Variants in NBAS observed in about 807,000 individuals in gnomAD.
NBAS encodes NBAS subunit of NRZ tethering complex.
In NBAS, 219 loss-of-function variants were observed where a neutral mutation model predicts 302.5. The observed-to-expected ratio is 0.72, with a 90% CI of 0.65 to 0.81. NBAS has a LOEUF of 0.81. Ranked by LOEUF, NBAS falls within the 30% of genes least tolerant of loss-of-function variation. The pLI, the probability that NBAS is intolerant of heterozygous loss-of-function variation, is 0.00. For missense variants in NBAS, 2,932 were observed against 2,841.6 expected, an observed-to-expected ratio of 1.03 and a Z score of -0.72; for synonymous variants, 1,118 against 1,021.6, an observed-to-expected ratio of 1.09 and a Z score of -1.80.
chr2:15,141,086 T>G, the NBAS span, among the ~76,000 whole-genome samples: 1 of 152,210 alleles, frequency 6.6e-6, no homozygotes. Flanking sequence ...GGAAATATCT[T>G]TCTTGAGATT....
At chr2:15,339,793 A>T (rs1482900436) in intron 35 of NBAS, among the ~76,000 whole-genome samples, 1 of 152,188 alleles carries the variant, frequency 6.6e-6, no homozygotes, top group East Asian at 1.9e-4. Context: ...ATTTGAGCAG[A>T]CACCTGATGG....
chr2:14,901,897 C>T, the NBAS span, among the ~76,000 whole-genome samples: 1 of 152,128 alleles, frequency 6.6e-6, no homozygotes, highest in African/African-American at 2.4e-5. Context: ...CTGGACAATG[C>T]CCAAGAAAGC....
the NBAS span, among the ~76,000 whole-genome samples, chr2:14,964,756 G>A: frequency 6.6e-6 from 1 of 151,852 alleles, no homozygotes; most frequent in Non-Finnish European, 1.5e-5. Context: ...AAGTACACAG[G>A]ACACACTGGT....
the NBAS span, among the ~76,000 whole-genome samples, chr2:14,809,086 G>T: frequency 5.1e-4 from 78 of 152,318 alleles, 1 homozygote; most frequent in African/African-American, 1.8e-3. Flanking sequence ...TGCTGTTAAA[G>T]TCATTCAGTT....
At chr2:14,999,329 GA>G in the NBAS span, among the ~76,000 whole-genome samples, 2 of 152,034 alleles carry the variant, frequency 1.3e-5, no homozygotes, top group Admixed American at 6.6e-5. Flanking sequence ...TCAGCATATA[GA>G]AGGACCGCTT....
At chr2:15,144,065 A>ATAT in the NBAS span, among the ~76,000 whole-genome samples, 73 of 121,662 alleles carry the variant, frequency 6.0e-4, 3 homozygotes, top group African/African-American at 1.9e-3. Context: ...ATATATATAT[A>ATAT]TATCTCCCAT....
chr2:15,384,903 AT>A (rs1332486190), intron 28 of NBAS, among the ~76,000 whole-genome samples: 1 of 152,214 alleles, frequency 6.6e-6, no homozygotes, highest in Non-Finnish European at 1.5e-5. Context: ...TCCAAACACT[AT>A]GCATTAAAAA....
At chr2:15,520,152 AG>A (rs1025356455) in intron 9 of NBAS, among the ~76,000 whole-genome samples, 2 of 152,188 alleles carry the variant, frequency 1.3e-5, no homozygotes, top group African/African-American at 4.8e-5. Context: ...ATGTAATTCC[AG>A]CACTTTGGGA....
intron 25 of NBAS, among the ~76,000 whole-genome samples, chr2:15,413,798 CTG>C (rs1676795383): frequency 1.3e-5 from 2 of 152,174 alleles, no homozygotes; most frequent in Non-Finnish European, 2.9e-5. Flanking sequence ...GAAGACAACA[CTG>C]AGAGAAATAC....
rs145080021 is a variant in NBAS, at chr2:15,292,711, T to C, written c.4853A>G (p.His1618Arg). The C allele has an allele frequency of 4.3e-6, 7 of 1,614,100 alleles. No homozygotes were observed. In the African/African-American group the frequency reaches 6.7e-5, roughly 15 times the overall value. The change falls in exon 41 of 52, where the codon CAC (histidine) becomes CGC (arginine). Residue 1618 changes from histidine (H) to arginine (R), a missense_variant. His to Arg is a conservative substitution (Grantham distance 29). Transcript: ENST00000281513. ...MVTRHVTRHE[H>R]EAWPEDLISL... is the part of the protein sequence containing the mutation. The stretch of plus-strand genomic sequence containing the variant: ...AATAAGGTCTTCAGGCCAGGCTTCG[T>C]GCTCATGTCGAGTCACATGCCTGGT...
At chr2:15,213,223 T>A (rs1379097436) in intron 48 of NBAS, among the ~76,000 whole-genome samples, 16 of 152,274 alleles carry the variant, frequency 1.1e-4, no homozygotes, top group Non-Finnish European at 1.5e-5. Flanking sequence ...TGTCTATTTT[T>A]CTGTCCCTAG....
chr2:15,216,378 G>C (rs1030849937), intron 48 of NBAS, among the ~76,000 whole-genome samples: 2 of 152,162 alleles, frequency 1.3e-5, no homozygotes, highest in Admixed American at 6.5e-5. Flanking sequence ...GATTTCCTAG[G>C]GGGCCGGAAA....
chr2:15,067,270 G>T, the NBAS span, among the ~76,000 whole-genome samples: 3 of 151,196 alleles, frequency 2.0e-5, no homozygotes, highest in Non-Finnish European at 2.9e-5. Context: ...ACTTAAGCCT[G>T]GGAGGTCAAC....
At chr2:15,304,945 T>G (rs1425081632) in intron 40 of NBAS, among the ~76,000 whole-genome samples, 1 of 152,206 alleles carries the variant, frequency 6.6e-6, no homozygotes, top group Non-Finnish European at 1.5e-5. Context: ...AACTTGCTTT[T>G]GATTTTACAG....
At chr2:14,947,683 T>C in the NBAS span, among the ~76,000 whole-genome samples, 5 of 152,160 alleles carry the variant, frequency 3.3e-5, no homozygotes, top group Non-Finnish European at 5.9e-5. Flanking sequence ...ACACAAGTTG[T>C]AGAAGTTGAC....
Position 15,167,128 on chromosome 2 carries a change from G to C in NBAS, c.7036C>G (p.Leu2346Val). ...EAGHEAEAGS[L>V]LLAVRGTHQA... The stretch of plus-strand genomic sequence containing the variant: ...TGAGTCCCCCTCACGGCCAGAAGGA[G>C]AGACCCGGCTTCGGCTTCATGGCCG... Residue 2346 changes from leucine (L) to valine (V), a missense_variant, in exon 52 of 52, where the codon CTC becomes GTC. Transcript: ENST00000281513. 1 of 1,614,214 alleles carries C rather than the reference G, an allele frequency of 6.2e-7. No individual in the cohort carries two copies. The highest frequency in any genetic ancestry group is 1.3e-5 in the African/African-American group (1 of 75,074).
intron 40 of NBAS, among the ~76,000 whole-genome samples, chr2:15,297,172 GA>G (rs1344970165): frequency 6.6e-6 from 1 of 152,180 alleles, no homozygotes; most frequent in Non-Finnish European, 1.5e-5. Flanking sequence ...GATGAATAAA[GA>G]ATGAACTTAG....
the NBAS span, among the ~76,000 whole-genome samples, chr2:15,107,414 G>A: frequency 6.6e-6 from 1 of 152,098 alleles, no homozygotes; most frequent in African/African-American, 2.4e-5. Flanking sequence ...CCCAGTCTGT[G>A]GTATTTTTGC....
At chr2:15,203,759 G>GAA (rs1665990702) in intron 48 of NBAS, among the ~76,000 whole-genome samples, 1 of 152,050 alleles carries the variant, frequency 6.6e-6, no homozygotes, top group East Asian at 1.9e-4. Flanking sequence ...AAGAATACCT[G>GAA]AAATCAGTAA....
Sources: gnomAD v4.1 joint callset for allele counts (sites outside exome capture counted in the v4.1 genomes callset) on GRCh38, gnomAD v4.1.1 for gene constraint, MANE v1.5 for transcripts, NCBI Gene and HGNC (gene_info 2026-07-23, HGNC 2026-07-21) for gene names.